The following RGSL1 variants were observed in gnomAD, a reference collection of about 807,000 sequenced individuals.
RGSL1 encodes the protein regulator of G protein signaling like 1.
A neutral mutation model predicts 124.7 loss-of-function variants in RGSL1; 97 were observed. The observed-to-expected ratio is 0.78, with a 90% CI of 0.66 to 0.92. The LOEUF is 0.92. RGSL1 is among the 40% of genes least tolerant of loss of function. The pLI is 0.00. For missense variants in RGSL1, 1,233 were observed against 1,288.4 expected, an observed-to-expected ratio of 0.96 and a Z score of 0.66; for synonymous variants, 424 against 438.1, an observed-to-expected ratio of 0.97 and a Z score of 0.40.
intron 4 of RGSL1, among the ~76,000 whole-genome samples, chr1:182,469,958 A>G (rs1000598635): frequency 3.3e-5 from 5 of 152,160 alleles, no homozygotes; most frequent in African/African-American, 1.2e-4. Flanking sequence ...AGGATAGTCA[A>G]AGTCATAGAG....
chr1:182,507,969 C>T (rs1311263275), intron 9 of RGSL1, among the ~76,000 whole-genome samples: 1 of 152,100 alleles, frequency 6.6e-6, no homozygotes, highest in East Asian at 1.9e-4. Context: ...TCTCAACATG[C>T]TGATAGTGTG....
intron 9 of RGSL1, among the ~76,000 whole-genome samples, chr1:182,516,508 T>C (rs997594651): frequency 4.6e-5 from 7 of 152,266 alleles, no homozygotes; most frequent in African/African-American, 1.4e-4. Flanking sequence ...CTGGTTGTTT[T>C]ATAACTCCTT....
At chr1:182,506,793 A>G (rs1656838856) in intron 9 of RGSL1, among the ~76,000 whole-genome samples, 1 of 152,184 alleles carries the variant, frequency 6.6e-6, no homozygotes. Flanking sequence ...ACATAGTTTC[A>G]GGGTACATGT....
intron 9 of RGSL1, among the ~76,000 whole-genome samples, chr1:182,514,982 A>T (rs561766937): frequency 7.9e-5 from 12 of 152,250 alleles, no homozygotes; most frequent in African/African-American, 2.9e-4. Flanking sequence ...AGGAAAGTAG[A>T]AGTGTCCCTC....
chr1:182,454,086 A>C lies in RGSL1; in HGVS notation c.96+46A>C, dbSNP rs776021055. On this transcript the variant is annotated intron_variant, in intron 2 of 21. Transcript: ENST00000294854. Reference sequence around the variant, plus strand: ...ATACAAATATTTCATCAGCAGCTGAATAGTGAATCTCACAGAGCTGAGTGA... The same window carrying C: ...ATACAAATATTTCATCAGCAGCTGACTAGTGAATCTCACAGAGCTGAGTGA... 24 of 1,113,086 alleles carry C rather than the reference A, an allele frequency of 2.2e-5. No individual in the cohort carries two copies. In the African/African-American group the frequency reaches 3.2e-4, roughly 15 times the overall value. The allele number at this position is 1,113,086 out of a possible 1,614,324, so 69.0% of individuals were successfully genotyped here. A position where few individuals can be genotyped will look rare whatever the true frequency, so the allele number is the denominator to read the frequency against.
At chr1:182,488,922 T>C (rs1655315879) in intron 7 of RGSL1, 58 bp from the exon 8 acceptor site, 2 of 1,371,798 alleles carry the variant, frequency 1.5e-6, no homozygotes, top group South Asian at 1.3e-5. Context: ...TACAAAATTA[T>C]TGCTTCTGGT....
At chr1:182,503,604 G>A (rs1656569548) in intron 9 of RGSL1, among the ~76,000 whole-genome samples, 1 of 103,316 alleles carries the variant, frequency 9.7e-6, no homozygotes, top group Non-Finnish European at 1.9e-5. Flanking sequence ...TGGGGGGAGG[G>A]TGGGTTGTGT....
chr1:182,479,490 G>T (rs974136888), intron 6 of RGSL1, among the ~76,000 whole-genome samples: 3 of 152,040 alleles, frequency 2.0e-5, no homozygotes, highest in African/African-American at 4.8e-5. Flanking sequence ...CACAAAAAAT[G>T]TATAGTAGAT....
intron 10 of RGSL1, among the ~76,000 whole-genome samples, chr1:182,522,700 T>C (rs1451173688): frequency 1.3e-5 from 2 of 152,208 alleles, no homozygotes; most frequent in African/African-American, 2.4e-5. Flanking sequence ...CTCCAAATAT[T>C]ATGTTTGCTA....
chr1:182,543,192 C>G (rs10911086), intron 15 of RGSL1, among the ~76,000 whole-genome samples: 1 of 151,880 alleles, frequency 6.6e-6, no homozygotes, highest in Non-Finnish European at 1.5e-5. Context: ...TGGGTTTATC[C>G]TATATTTGCA....
intron 6 of RGSL1, among the ~76,000 whole-genome samples, chr1:182,484,485 A>G (rs1439942464): frequency 6.6e-6 from 1 of 152,192 alleles, no homozygotes; most frequent in East Asian, 1.9e-4. Flanking sequence ...GCCAGGGTAC[A>G]GCAGCAACTG....
At chr1:182,545,925 T>C (rs1660184265) in intron 15 of RGSL1, among the ~76,000 whole-genome samples, 1 of 152,210 alleles carries the variant, frequency 6.6e-6, no homozygotes, top group African/African-American at 2.4e-5. Flanking sequence ...TTTAATGTTC[T>C]CTGGCCTTCC....
chr1:182,519,969 A>G (rs1368663957), intron 9 of RGSL1, among the ~76,000 whole-genome samples: 4 of 152,172 alleles, frequency 2.6e-5, no homozygotes, highest in African/African-American at 9.6e-5. Context: ...CTTGAATTAT[A>G]TTAATAATAG....
In RGSL1 at chr1:182,492,331, CAT is replaced by C. The variant is rs373294285; in HGVS notation, c.1718-689_1718-688del. The stretch of plus-strand genomic sequence containing the variant: ...AAAAACCCGTCTCTGCAAAAGAACA[CAT>C]ACATTTGCTACTCAATCCCTCAACA... On this transcript the variant is annotated intron_variant, in intron 8 of 21. Coordinates refer to ENST00000294854, the MANE Select transcript of RGSL1 (RefSeq NM_001137669.2). Among the ~76,000 whole-genome samples, 17 of 152,306 alleles carry C rather than the reference CAT, an allele frequency of 1.1e-4. No homozygotes were observed. In the East Asian group the frequency reaches 1.7e-3, roughly 16 times the overall value.
intron 9 of RGSL1, among the ~76,000 whole-genome samples, chr1:182,504,277 C>T (rs753206602): frequency 6.6e-5 from 10 of 151,950 alleles, no homozygotes; most frequent in Non-Finnish European, 1.3e-4. Flanking sequence ...TCACCATGCC[C>T]GGCCAGTTTC....
intron 6 of RGSL1, among the ~76,000 whole-genome samples, chr1:182,479,650 T>C (rs533610957): frequency 1.3e-5 from 2 of 152,262 alleles, no homozygotes; most frequent in South Asian, 4.1e-4. Flanking sequence ...CTAACGATAA[T>C]TACTTTAAAT....
chr1:182,556,404 T>A, intron 21 of RGSL1, among the ~76,000 whole-genome samples, 182 bp downstream of exon 21: 1 of 152,186 alleles, frequency 6.6e-6, no homozygotes, highest in Non-Finnish European at 1.5e-5. Context: ...AGGAGCAAGG[T>A]GCTATAATTA....
intron 15 of RGSL1, among the ~76,000 whole-genome samples, chr1:182,544,590 G>A (rs944926096): frequency 3.7e-5 from 4 of 107,972 alleles, no homozygotes; most frequent in Admixed American, 8.7e-5. Flanking sequence ...TAAGAGTGGG[G>A]TATTGAAATT....
chr1:182,450,380 G>C, intron 1 of RGSL1: 1 of 638,066 alleles, frequency 1.6e-6, no homozygotes, highest in South Asian at 1.9e-5. Flanking sequence ...GGATAGTACA[G>C]GGCCTTATTC....
Sources: allele counts gnomAD v4.1 joint callset (sites outside exome capture counted in the v4.1 genomes callset), GRCh38; gene constraint gnomAD v4.1.1; transcripts MANE v1.5; gene names NCBI Gene and HGNC (gene_info 2026-07-23, HGNC 2026-07-21).